Variants in PCDHA6 observed in about 807,000 individuals in gnomAD.
PCDHA6 encodes protocadherin alpha-6.
In PCDHA6, 55 loss-of-function variants were observed where a neutral mutation model predicts 60.3. The ratio of observed to expected loss-of-function variants is 0.91; its 90% confidence interval spans 0.73 to 1.14. The LOEUF is 1.14. Ranked by LOEUF, PCDHA6 falls within the 50% of genes most tolerant of loss-of-function variation. PCDHA6 has a pLI of 0.00. For missense variants in PCDHA6, 1,327 were observed against 1,256.5 expected, an observed-to-expected ratio of 1.06 and a Z score of -0.85; for synonymous variants, 652 against 557.9, an observed-to-expected ratio of 1.17 and a Z score of -2.38.
At chr5:140,946,634 A>ATATATAT (rs1554217761) in intron 1 of PCDHA6, among the ~76,000 whole-genome samples, 3 of 147,376 alleles carry the variant, frequency 2.0e-5, no homozygotes, top group African/African-American at 5.1e-5. Context: ...ATATATATAC[A>ATATATAT]ATGGAATACT....
intron 1 of PCDHA6, among the ~76,000 whole-genome samples, chr5:140,895,035 C>T (rs1235775113): frequency 6.6e-6 from 1 of 152,104 alleles, no homozygotes; most frequent in East Asian, 1.9e-4. Context: ...AATTGTCCCC[C>T]ACCCACACCA....
At chr5:140,834,407 C>T (rs1554134157) in intron 1 of PCDHA6, 1 of 1,609,944 alleles carries the variant, frequency 6.2e-7, no homozygotes, top group East Asian at 2.2e-5. Context: ...ATGGATACGA[C>T]CCAGGGGGCC....
At chr5:140,870,456 G>A (rs782212198) in intron 1 of PCDHA6, 15 of 1,614,110 alleles carry the variant, frequency 9.3e-6, no homozygotes, top group South Asian at 5.5e-5. Flanking sequence ...ACGACAATGC[G>A]CCTGCGTTCG....
At position 140,977,800 on chromosome 5, in the gene PCDHA6, T is replaced by G. The variant is rs572772764; in HGVS notation, c.2395-1149T>G. On this transcript the variant is annotated intron_variant, in intron 1 of 3. Coordinates refer to ENST00000529310, the MANE Select transcript of PCDHA6 (RefSeq NM_018909.4). Reference sequence around the variant, plus strand: ...AAAGGAACTATATGAATGATAGGAATAAGAATTATTGACAGTTTTGAATGG... The same window carrying G: ...AAAGGAACTATATGAATGATAGGAAGAAGAATTATTGACAGTTTTGAATGG... Among the ~76,000 whole-genome samples, 3 of 152,356 alleles carry G rather than the reference T, an allele frequency of 2.0e-5. No individual in the cohort carries two copies. In the East Asian group the frequency reaches 5.8e-4, roughly 29 times the overall value.
chr5:140,949,120 T>C (rs782586418), intron 1 of PCDHA6, among the ~76,000 whole-genome samples: 3 of 151,756 alleles, frequency 2.0e-5, no homozygotes, highest in Non-Finnish European at 4.4e-5. Flanking sequence ...ATATTTTTGG[T>C]TTTCCTAGCT....
At chr5:140,875,286 G>GA (rs1582198607) in intron 1 of PCDHA6, 2 of 1,381,840 alleles carry the variant, frequency 1.4e-6, no homozygotes, top group South Asian at 3.3e-5. Flanking sequence ...GGTGAAACAG[G>GA]AAAATTTTTT....
intron 1 of PCDHA6, among the ~76,000 whole-genome samples, chr5:140,895,711 T>C (rs2065121989): frequency 6.6e-6 from 1 of 152,216 alleles, no homozygotes; most frequent in African/African-American, 2.4e-5. Flanking sequence ...CTTGGGATAA[T>C]GGCCTGCACC....
chr5:140,887,835 C>A (rs2061600577), intron 1 of PCDHA6, among the ~76,000 whole-genome samples: 1 of 152,106 alleles, frequency 6.6e-6, no homozygotes, highest in Admixed American at 6.6e-5. Context: ...TTTTGAATAT[C>A]TTTTATTGAC....
chr5:140,928,587 C>T, intron 1 of PCDHA6: 1 of 1,614,228 alleles, frequency 6.2e-7, no homozygotes. Flanking sequence ...ATGGTTCTGT[C>T]CCAGTGGAAA....
chr5:140,962,288 A>G (rs1310558261), intron 1 of PCDHA6, among the ~76,000 whole-genome samples: 2 of 152,192 alleles, frequency 1.3e-5, no homozygotes, highest in African/African-American at 4.8e-5. Flanking sequence ...TCAACCTTTA[A>G]TATTCTATGA....
chr5:140,891,481 C>G (rs2063126797), intron 1 of PCDHA6, among the ~76,000 whole-genome samples: 1 of 151,620 alleles, frequency 6.6e-6, no homozygotes, highest in Admixed American at 6.6e-5. Context: ...CTTTACATCA[C>G]TTTGAGCATA....
At chr5:141,002,702 G>A (rs2153975030) in intron 3 of PCDHA6, among the ~76,000 whole-genome samples, 1 of 152,294 alleles carries the variant, frequency 6.6e-6, no homozygotes, top group South Asian at 2.1e-4. Context: ...GTTTAACTCT[G>A]TTGCACACAC....
At chr5:140,833,396 C>T (rs2150208184) in intron 1 of PCDHA6, among the ~76,000 whole-genome samples, 1 of 152,272 alleles carries the variant, frequency 6.6e-6, no homozygotes, top group Non-Finnish European at 1.5e-5. Flanking sequence ...TACCTCAAGA[C>T]TTGATCAAAG....
intron 1 of PCDHA6, chr5:140,882,264 G>C: frequency 6.2e-7 from 1 of 1,609,300 alleles, no homozygotes; most frequent in Non-Finnish European, 8.5e-7. Context: ...TTTTTGGAGT[G>C]TACCATGCTG....
intron 1 of PCDHA6, among the ~76,000 whole-genome samples, chr5:140,903,721 C>A (rs2070530222): frequency 6.6e-6 from 1 of 152,152 alleles, no homozygotes; most frequent in Non-Finnish European, 1.5e-5. Flanking sequence ...ACAATTCTCC[C>A]TATTATCAAT....
rs2150163611 is a variant in PCDHA6 at position 140,829,185 on chromosome 5, T to C, written c.1094T>C (p.Phe365Ser). Residue 365 changes from phenylalanine to serine, a missense_variant, in exon 1 of 4, where the codon TTT becomes TCT. Phe to Ser is a radical substitution (Grantham distance 155, BLOSUM62 -2). Coordinates refer to ENST00000529310, the MANE Select transcript of PCDHA6 (RefSeq NM_018909.4). ...LSLPVREDAQFGTVIALISVN... is the reference protein window; with the variant it reads ...LSLPVREDAQSGTVIALISVN... Reference sequence around the variant, plus strand: ...TTGCCTGTACGTGAAGACGCTCAATTTGGTACTGTCATCGCCCTAATTAGC... The same window carrying C: ...TTGCCTGTACGTGAAGACGCTCAATCTGGTACTGTCATCGCCCTAATTAGC... The C allele has an allele frequency of 1.9e-6, 3 of 1,614,194 alleles. No individual in the cohort carries two copies. Among genetic ancestry groups the C allele is most frequent in the East Asian group, 2.2e-5 (1 of 44,874 alleles).
At chr5:140,930,143 T>C (rs1375967730) in intron 1 of PCDHA6, 4 of 152,204 alleles carry the variant, frequency 2.6e-5, no homozygotes, top group Non-Finnish European at 5.9e-5. Context: ...ACCTTTTGTT[T>C]TGTGTTTCTA....
chr5:140,882,545 G>A (rs1174281421), intron 1 of PCDHA6: 4 of 1,614,238 alleles, frequency 2.5e-6, no homozygotes. Context: ...GATCGACCGC[G>A]AGGAGCTGTG....
chr5:140,879,467 C>T (rs1331120758), intron 1 of PCDHA6, among the ~76,000 whole-genome samples: 1 of 152,040 alleles, frequency 6.6e-6, no homozygotes, highest in Admixed American at 6.6e-5. Context: ...TAAGAGAATA[C>T]CGTTGTGATT....
Sources: allele counts gnomAD v4.1 joint callset (sites outside exome capture counted in the v4.1 genomes callset), GRCh38; gene constraint gnomAD v4.1.1; transcripts MANE v1.5; gene names NCBI Gene and HGNC (gene_info 2026-07-23, HGNC 2026-07-21).